The following SOX13 variants were observed in gnomAD, a reference collection of about 807,000 sequenced individuals.
SOX13 encodes the protein transcription factor SOX-13.
In SOX13, 28 loss-of-function variants were observed where a neutral mutation model predicts 71.8. The ratio of observed to expected loss-of-function variants is 0.39; its 90% confidence interval spans 0.29 to 0.53. The LOEUF (loss-of-function observed/expected upper bound fraction) is 0.53. SOX13 is among the 20% of genes least tolerant of loss of function. SOX13 has a pLI of 0.70. For synonymous variants in SOX13, 309 were observed against 317.8 expected (o/e 0.97, Z 0.29); for missense variants, 627 against 810.3 (o/e 0.77, Z 2.75).
At chr1:204,080,802 T>G (rs1457283444) in intron 1 of SOX13, among the ~76,000 whole-genome samples, 2 of 151,938 alleles carry the variant, frequency 1.3e-5, no homozygotes, top group Non-Finnish European at 1.5e-5. Flanking sequence ...GGTTTTCATA[T>G]AAGTCCACCA....
chr1:204,077,017 G>C (rs1484497706), intron 1 of SOX13, among the ~76,000 whole-genome samples: 1 of 152,244 alleles, frequency 6.6e-6, no homozygotes, highest in Non-Finnish European at 1.5e-5. Context: ...AGGGTGATGT[G>C]ATAGAAAACA....
chr1:204,082,445 G>A (rs1655928694), intron 1 of SOX13, among the ~76,000 whole-genome samples: 2 of 152,118 alleles, frequency 1.3e-5, no homozygotes, highest in African/African-American at 4.8e-5. Context: ...AGCTTCTGGT[G>A]CCCCAAGCAC....
Position 204,124,761 on chromosome 1 carries a change from G to GCA in SOX13, c.1498_1499dup (p.Cys501ProfsTer17). 1 of 1,608,034 alleles carries GCA rather than the reference G, an allele frequency of 6.2e-7. No individual in the cohort carries two copies. The highest frequency in any genetic ancestry group is 8.5e-7 in the Non-Finnish European group (1 of 1,177,534). On this transcript the variant is annotated frameshift_variant, in exon 13 of 14. Transcript: ENST00000367204. LOFTEE classifies it high-confidence loss of function. Reference sequence around the variant, plus strand: ...TACAAGTACAAGCCGCGGCCCAAGCGCACCTGCATCGTGGAGGGCAAGCGG... The same window carrying GCA: ...TACAAGTACAAGCCGCGGCCCAAGCGCACACCTGCATCGTGGAGGGCAAGCGG...
chr1:204,092,273 C>T (rs1656163189), intron 1 of SOX13, among the ~76,000 whole-genome samples: 1 of 152,034 alleles, frequency 6.6e-6, no homozygotes, highest in Non-Finnish European at 1.5e-5. Context: ...TCTCCTGAAG[C>T]ACGCTGGATT....
At chr1:204,101,818 C>T (rs1275036733) in intron 1 of SOX13, among the ~76,000 whole-genome samples, 1 of 152,112 alleles carries the variant, frequency 6.6e-6, no homozygotes, top group African/African-American at 2.4e-5. Context: ...CCTTCACCTC[C>T]TAATCTAGAT....
chr1:204,086,834 A>G (rs527669739), intron 1 of SOX13, among the ~76,000 whole-genome samples: 1 of 152,222 alleles, frequency 6.6e-6, no homozygotes, highest in Non-Finnish European at 1.5e-5. Flanking sequence ...AATGGTAGCT[A>G]TTAGGGTCCC....
rs1334592320 is a variant in SOX13 at position 204,127,129 on chromosome 1, G to C, written c.*995G>C. 1 of 152,190 alleles carries C rather than the reference G, an allele frequency of 6.6e-6. No individual in the cohort carries two copies. The highest frequency in any genetic ancestry group is 6.5e-5 in the Admixed American group (1 of 15,270). 9.4% of individuals were successfully genotyped at this position (152,190 alleles called of 1,614,324 possible). ...GGGAATGTGCCTCGGCCTCCAAGGG[G>C]CTTTGTCCTGGTGCCCCCGCCCCTG... On this transcript the variant is annotated 3_prime_UTR_variant, in exon 14 of 14. Transcript: ENST00000367204.
chr1:204,083,648 G>A (rs1230269427), intron 1 of SOX13, among the ~76,000 whole-genome samples: 1 of 152,202 alleles, frequency 6.6e-6, no homozygotes, highest in Non-Finnish European at 1.5e-5. Context: ...AGAGGTGATT[G>A]AAAAGCAAGA....
At chr1:204,124,077 GT>G (rs1208188055) in intron 12 of SOX13, among the ~76,000 whole-genome samples, 1 of 152,222 alleles carries the variant, frequency 6.6e-6, no homozygotes, top group Non-Finnish European at 1.5e-5. Flanking sequence ...AACCTAACCT[GT>G]TCCACTGTTT....
intron 7 of SOX13, chr1:204,119,245 C>T (rs1356546333): frequency 6.6e-6 from 1 of 152,248 alleles, no homozygotes; most frequent in Non-Finnish European, 1.5e-5. Flanking sequence ...CATCTTCATC[C>T]ATTCAGGGGC....
intron 1 of SOX13, among the ~76,000 whole-genome samples, chr1:204,105,176 G>C (rs528804692): frequency 1.3e-5 from 2 of 152,154 alleles, no homozygotes; most frequent in East Asian, 3.9e-4. Flanking sequence ...GGGGGCCTCG[G>C]GGCCTGGTAG....
At chr1:204,092,404 C>T (rs1201988670) in intron 1 of SOX13, among the ~76,000 whole-genome samples, 1 of 151,982 alleles carries the variant, frequency 6.6e-6, no homozygotes, top group East Asian at 1.9e-4. Flanking sequence ...GCAGCCTTGA[C>T]CTCCTAGGCT....
chr1:204,088,811 C>T (rs951743348), intron 1 of SOX13, among the ~76,000 whole-genome samples: 1 of 152,162 alleles, frequency 6.6e-6, no homozygotes, highest in African/African-American at 2.4e-5. Flanking sequence ...GGACACCATG[C>T]CTGGCACTCA....
At chr1:204,113,253 A>G in intron 2 of SOX13, 119 bp downstream of exon 2, 1 of 863,422 alleles carries the variant, frequency 1.2e-6, no homozygotes, top group Non-Finnish European at 1.7e-6. Flanking sequence ...TGGTGATCCT[A>G]GGGGTAAGAC....
intron 12 of SOX13, among the ~76,000 whole-genome samples, chr1:204,124,088 T>G (rs1424402514): frequency 6.6e-6 from 1 of 152,222 alleles, no homozygotes; most frequent in Non-Finnish European, 1.5e-5. Flanking sequence ...TTCCACTGTT[T>G]GTCCAGACCC....
chr1:204,115,003 T>A (rs1191686320), intron 4 of SOX13, among the ~76,000 whole-genome samples: 1 of 151,726 alleles, frequency 6.6e-6, no homozygotes, highest in African/African-American at 2.4e-5. Flanking sequence ...CTGCTTGGGT[T>A]CCTTAGAGTG....
chr1:204,084,723 G>A (rs191411884), intron 1 of SOX13, among the ~76,000 whole-genome samples: 12 of 152,248 alleles, frequency 7.9e-5, no homozygotes, highest in East Asian at 3.9e-4. Context: ...CTCAGGCCCC[G>A]CCCAGAGATC....
At chr1:204,077,017 G>T (rs1484497706) in intron 1 of SOX13, among the ~76,000 whole-genome samples, 1 of 152,244 alleles carries the variant, frequency 6.6e-6, no homozygotes, top group African/African-American at 2.4e-5. Context: ...AGGGTGATGT[G>T]ATAGAAAACA....
intron 1 of SOX13, among the ~76,000 whole-genome samples, chr1:204,086,149 A>G (rs1185833029): frequency 2.0e-5 from 3 of 152,190 alleles, no homozygotes; most frequent in African/African-American, 7.2e-5. Context: ...CAGCCTGGAA[A>G]GGAGTTGGGG....
Sources: gnomAD v4.1 joint callset for allele counts (sites outside exome capture counted in the v4.1 genomes callset) on GRCh38, gnomAD v4.1.1 for gene constraint, MANE v1.5 for transcripts, NCBI Gene and HGNC (gene_info 2026-07-23, HGNC 2026-07-21) for gene names.